PRDM16: variants seen among roughly 807,000 people sequenced by gnomAD.
The protein encoded by PRDM16 is PR/SET domain 16, also known as histone-lysine N-methyltransferase PRDM16.
PRDM16 carries 23 observed loss-of-function variants against 110.6 expected under a neutral mutation model. The ratio of observed to expected loss-of-function variants is 0.21; its 90% CI spans 0.15 to 0.29. The LOEUF is 0.29. Ranked by LOEUF, PRDM16 falls within the 10% of genes least tolerant of loss-of-function variation. The probability of loss-of-function intolerance (pLI) is 1.00; values close to 1 mark genes in which losing one functional copy is unlikely to be tolerated. For missense variants in PRDM16, 1,615 were observed against 1,794.3 expected (o/e 0.90, Z 1.81); for synonymous variants, 799 against 781.8 (o/e 1.02, Z -0.37).
At chr1:3,289,702 G>T (rs1640929766) in intron 3 of PRDM16, among the ~76,000 whole-genome samples, 1 of 152,198 alleles carries the variant, frequency 6.6e-6, no homozygotes, top group Non-Finnish European at 1.5e-5. Flanking sequence ...CACAGGCAAA[G>T]GCCCTGGGGC....
chr1:3,408,477 CGTGTGAGAGT>C (rs1643598232), intron 8 of PRDM16, among the ~76,000 whole-genome samples: 1 of 152,068 alleles, frequency 6.6e-6, no homozygotes, highest in Non-Finnish European at 1.5e-5. Flanking sequence ...TAAGTATGCA[CGTGTGAGAGT>C]GTGTGAGTGT....
chr1:3,189,508 T>C (rs749145732), intron 2 of PRDM16, among the ~76,000 whole-genome samples: 12 of 152,226 alleles, frequency 7.9e-5, no homozygotes, highest in Non-Finnish European at 1.6e-4. Flanking sequence ...GTGCGTGTCG[T>C]CTCTGATGGT....
chr1:3,181,860 G>A (rs905061398), intron 1 of PRDM16, among the ~76,000 whole-genome samples: 6 of 92,024 alleles, frequency 6.5e-5, no homozygotes, highest in Admixed American at 3.7e-4. Flanking sequence ...TCTTACACAC[G>A]CAGTCTTACA....
At chr1:3,260,576 G>A (rs1034809939) in intron 3 of PRDM16, among the ~76,000 whole-genome samples, 1 of 151,238 alleles carries the variant, frequency 6.6e-6, no homozygotes, top group Non-Finnish European at 1.5e-5. Flanking sequence ...ATCAAGATTT[G>A]TGTGATGATG....
At chr1:3,099,023 A>G (rs1557444915) in intron 1 of PRDM16, among the ~76,000 whole-genome samples, 2 of 152,276 alleles carry the variant, frequency 1.3e-5, no homozygotes, top group East Asian at 3.9e-4. Context: ...GGGTTGGGCC[A>G]CCCACTCCAT....
chr1:3,298,949 G>C (rs533993631), intron 3 of PRDM16, among the ~76,000 whole-genome samples: 1 of 152,170 alleles, frequency 6.6e-6, no homozygotes, highest in African/African-American at 2.4e-5. Flanking sequence ...GTCTCCTCCC[G>C]TCCAGCCAGG....
intron 2 of PRDM16, among the ~76,000 whole-genome samples, chr1:3,204,921 GTGCTC>G (rs1638718929): frequency 6.6e-6 from 1 of 152,218 alleles, no homozygotes; most frequent in African/African-American, 2.4e-5. Context: ...CCGGGACAAT[GTGCTC>G]CGAACGGGGA....
At position 3,353,563 on chromosome 1, in the gene PRDM16, G is replaced by A. The variant is rs910242260; in HGVS notation, c.439-31589G>A. Among the ~76,000 whole-genome samples, 1 of 152,164 alleles carries A rather than the reference G, an allele frequency of 6.6e-6. No homozygotes were observed. The highest frequency in any genetic ancestry group is 1.5e-5 in the Non-Finnish European group (1 of 68,016). On this transcript the variant is annotated intron_variant, in intron 3 of 16. Coordinates refer to ENST00000270722, the MANE Select transcript of PRDM16 (RefSeq NM_022114.4). This position sits in a 1 kb window ranked among gnomAD's most constrained non-coding sequence, Gnocchi z 5.4. ...CGTTACACTCCAGCCAAGTACTGGG[G>A]GCCACGGGCTGAGGGCACAGGCCAC...
chr1:3,233,621 G>A (rs145260355), intron 2 of PRDM16, among the ~76,000 whole-genome samples: 1 of 152,222 alleles, frequency 6.6e-6, no homozygotes, highest in Non-Finnish European at 1.5e-5. Context: ...CAGCAGGCCT[G>A]CAGTAGCCTC....
intron 3 of PRDM16, among the ~76,000 whole-genome samples, chr1:3,301,232 G>A (rs1338672899): frequency 6.6e-6 from 1 of 151,894 alleles, no homozygotes; most frequent in Non-Finnish European, 1.5e-5. Context: ...TCAGGAGGCT[G>A]AGGTTGGAGG....
intron 1 of PRDM16, among the ~76,000 whole-genome samples, chr1:3,163,466 G>A (rs1643916253): frequency 6.6e-6 from 1 of 152,220 alleles, no homozygotes; most frequent in South Asian, 2.1e-4. Context: ...GTCCAGCCCA[G>A]AGTAGGTGTT....
At chr1:3,316,667 A>G (rs1240304196) in intron 3 of PRDM16, among the ~76,000 whole-genome samples, 1 of 141,042 alleles carries the variant, frequency 7.1e-6, no homozygotes, top group African/African-American at 2.7e-5. Flanking sequence ...CACAGGGTAG[A>G]CAGGAAACAG....
intron 1 of PRDM16, chr1:3,133,279 T>A (rs1307765787): frequency 6.6e-6 from 1 of 152,240 alleles, no homozygotes. Flanking sequence ...ATCCAGGGGT[T>A]GCTTTTCCCA....
intron 3 of PRDM16, chr1:3,306,706 C>T (rs1382248700): frequency 6.6e-6 from 1 of 152,154 alleles, no homozygotes; most frequent in Non-Finnish European, 1.5e-5. Flanking sequence ...AACAATGCAC[C>T]CCATTAAAAC....
chr1:3,258,020 G>C (rs538524186), intron 3 of PRDM16, among the ~76,000 whole-genome samples: 1 of 152,306 alleles, frequency 6.6e-6, no homozygotes, highest in African/African-American at 2.4e-5. Context: ...CCTGGAGTCT[G>C]AATTCTTCTG....
chr1:3,344,922 G>A (rs1642333687), intron 3 of PRDM16, among the ~76,000 whole-genome samples: 1 of 152,210 alleles, frequency 6.6e-6, no homozygotes, highest in Non-Finnish European at 1.5e-5. Flanking sequence ...TGTAGCTCTT[G>A]TTTTCTGTGG....
chr1:3,414,516 C>T lies in PRDM16; in HGVS notation c.2604-44C>T, dbSNP rs370392191. ...CTGTGGAGCGGGTGGCTCGGCGGGG[C>T]GGGCGGCTCGGTGGGGTACGTAACC... On this transcript the variant is annotated intron_variant, in intron 9 of 16. Coordinates refer to ENST00000270722, the MANE Select transcript of PRDM16 (RefSeq NM_022114.4). 765 of 1,480,242 alleles carry T rather than the reference C, an allele frequency of 5.2e-4. 1 individual carries two copies. Among genetic ancestry groups the T allele is most frequent in the South Asian group, 7.3e-4 (62 of 84,784 alleles). 91.7% of individuals were successfully genotyped at this position (1,480,242 alleles called of 1,614,324 possible). A position where few individuals can be genotyped will look rare whatever the true frequency, so the allele number is the denominator to read the frequency against.
At chr1:3,315,613 A>T (rs1641583398) in intron 3 of PRDM16, among the ~76,000 whole-genome samples, 1 of 152,198 alleles carries the variant, frequency 6.6e-6, no homozygotes, top group Non-Finnish European at 1.5e-5. Context: ...AACATGGCAC[A>T]GCCTGGAGAG....
In PRDM16 at chr1:3,264,134, A is replaced by T. The variant is rs149262256; in HGVS notation, c.438+19997A>T. On this transcript the variant is annotated intron_variant, in intron 3 of 16. Coordinates refer to ENST00000270722, the MANE Select transcript of PRDM16 (RefSeq NM_022114.4). ...CACCATCCCCTGGAAGAAGCGAATAAAAAGCAGAGAAATAGCAATGACACG... is the reference window on the plus strand; with the variant it reads ...CACCATCCCCTGGAAGAAGCGAATATAAAGCAGAGAAATAGCAATGACACG... 1.1e-3 allele frequency among the ~76,000 whole-genome samples: 173 copies of T among 152,330 alleles called. 1 individual carries two copies. Among genetic ancestry groups the T allele is most frequent in the Non-Finnish European group, 2.0e-3 (139 of 68,024 alleles).
Sources: gnomAD v4.1 joint callset for allele counts (sites outside exome capture counted in the v4.1 genomes callset) on GRCh38, gnomAD v4.1.1 for gene constraint, Gnocchi (gnomAD v3.1) non-coding constraint, MANE v1.5 for transcripts, NCBI Gene and HGNC (gene_info 2026-07-23, HGNC 2026-07-21) for gene names.